Variants in GNE observed in about 807,000 individuals in gnomAD.
The protein encoded by GNE is bifunctional UDP-N-acetylglucosamine 2-epimerase/N-acetylmannosamine kinase.
A neutral mutation model predicts 61.8 loss-of-function variants in GNE; 41 were observed. The ratio of observed to expected loss-of-function variants is 0.66; its 90% CI spans 0.52 to 0.86. The LOEUF (loss-of-function observed/expected upper bound fraction) is 0.86, where lower values mean the gene tolerates loss of function less well. GNE is among the 40% of genes least tolerant of loss of function. GNE has a pLI of 0.00. For synonymous variants in GNE, 264 were observed against 326.4 expected (o/e 0.81, Z 2.06); for missense variants, 608 against 909.1 (o/e 0.67, Z 4.26).
chr9:36,226,244 C>G (rs1243431411), intron 7 of GNE, among the ~76,000 whole-genome samples: 1 of 152,146 alleles, frequency 6.6e-6, no homozygotes, highest in Non-Finnish European at 1.5e-5. Context: ...GCGATCTTGG[C>G]TCACTGTAAT....
chr9:36,221,907 G>A (rs1477993948), intron 9 of GNE, among the ~76,000 whole-genome samples: 2 of 152,152 alleles, frequency 1.3e-5, no homozygotes, highest in Non-Finnish European at 2.9e-5. Flanking sequence ...GCTTGGTGGT[G>A]ACCTTGAACA....
At chr9:36,246,503 A>G (rs887703781) in intron 2 of GNE, 21 bp from the exon 3 acceptor site, 1 of 1,569,774 alleles carries the variant, frequency 6.4e-7, no homozygotes, top group Admixed American at 1.7e-5. Context: ...GGAGAAATAA[A>G]GATATAAGAA....
At chr9:36,257,801 TCAAAAAAAAA>T (rs1416971570) in intron 1 of GNE, among the ~76,000 whole-genome samples, 42 of 5,374 alleles carry the variant, frequency 7.8e-3, no homozygotes, top group African/African-American at 0.029. Context: ...AGACTCAGTC[TCAAAAAAAAA>T]AAAAAAAAAA....
intron 6 of GNE, among the ~76,000 whole-genome samples, chr9:36,228,443 G>A (rs1338643063): frequency 6.6e-6 from 1 of 152,030 alleles, no homozygotes; most frequent in Non-Finnish European, 1.5e-5. Context: ...AATATTTATA[G>A]AAAGCCAAAG....
intron 1 of GNE, among the ~76,000 whole-genome samples, chr9:36,253,560 G>A (rs538892656): frequency 6.6e-6 from 1 of 151,740 alleles, no homozygotes; most frequent in Admixed American, 6.6e-5. Flanking sequence ...TTACAGGCAT[G>A]AGCCACCGCG....
rs965351198 is a variant in GNE at position 36,239,969 on chromosome 9, C to T, written c.617-2985G>A. On this transcript the variant is annotated intron_variant, in intron 3 of 11. Coordinates refer to ENST00000642385, the MANE Select transcript of GNE (RefSeq NM_005476.7). Reference sequence around the variant, plus strand: ...TTCTTGGTTTGATTCTCCGCTTGGTCGCTGTTGGTGTATAGAAGAGCTACT... The same window carrying T: ...TTCTTGGTTTGATTCTCCGCTTGGTTGCTGTTGGTGTATAGAAGAGCTACT... Among the ~76,000 whole-genome samples the T allele has an allele frequency of 3.3e-5, 5 of 151,740 alleles. No homozygotes were observed. The South Asian group carries it at 6.2e-4, about 19-fold the overall frequency.
At chr9:36,272,506 A>G (rs1306416087) in intron 1 of GNE, among the ~76,000 whole-genome samples, 1 of 151,268 alleles carries the variant, frequency 6.6e-6, no homozygotes, top group Non-Finnish European at 1.5e-5. Flanking sequence ...CTGTAGTCCC[A>G]GCTACTAGGG....
At position 36,246,675 on chromosome 9, in the gene GNE, T is replaced by G. The variant is rs545688752; in HGVS notation, c.165-193A>C. On this transcript the variant is annotated intron_variant, in intron 2 of 11. Transcript: ENST00000642385. ...GATTAAGATTCTTTTTTTTTTTTTT[T>G]TTTTTTTTTTTGAGATGAAGTCTTG... 4.1e-3 allele frequency among the ~76,000 whole-genome samples: 612 copies of G among 147,658 alleles called. 2 individuals are homozygous for G. The highest frequency in any genetic ancestry group is 5.8e-3 in the Non-Finnish European group (387 of 66,702).
rs777361471 is a variant in GNE at position 36,246,249 on chromosome 9, A to G, written c.398T>C (p.Ile133Thr). Reference sequence around the variant, plus strand: ...GGTCCCACTGACTTCCCCACCTTCAATGTGAAGGATTCGGATGTTCATCAA... The same window carrying G: ...GGTCCCACTGACTTCCCCACCTTCAGTGTGAAGGATTCGGATGTTCATCAA... The part of the protein sequence containing the change: ...AALMNIRILH[I>T]EGGEVSGTID... Residue 133 changes from isoleucine (I) to threonine (T), a missense_variant, in exon 3 of 12, where the codon ATT becomes ACT. Transcript: ENST00000642385. 4.3e-6 allele frequency: 7 copies of G among 1,613,724 alleles called. No homozygotes were observed. The highest frequency in any genetic ancestry group is 1.3e-5 in the African/African-American group (1 of 74,922).
upstream of GNE, chr9:36,258,649 G>C (rs1587367715): frequency 2.4e-6 from 1 of 415,960 alleles, no homozygotes; most frequent in Non-Finnish European, 3.2e-6. Flanking sequence ...GGCCTCTGCC[G>C]CGCTGGAGCT....
chr9:36,220,950 T>G (rs570078678), intron 9 of GNE, among the ~76,000 whole-genome samples: 35 of 152,348 alleles, frequency 2.3e-4, no homozygotes, highest in Admixed American at 1.5e-3. Flanking sequence ...GCTTAGTCAC[T>G]GCTCTGAGCC....
chr9:36,273,451 A>C (rs1405796849), intron 1 of GNE, among the ~76,000 whole-genome samples: 2 of 151,428 alleles, frequency 1.3e-5, no homozygotes, highest in Non-Finnish European at 2.9e-5. Context: ...TCCTGATCTC[A>C]GATGATCCAC....
intron 1 of GNE, among the ~76,000 whole-genome samples, chr9:36,253,619 T>C (rs1405138879): frequency 1.3e-5 from 2 of 152,054 alleles, no homozygotes; most frequent in African/African-American, 4.8e-5. Flanking sequence ...ATGACTCAAA[T>C]GGTAGAATGA....
rs1057516906 is a variant in GNE, at chr9:36,236,946, G to A, written c.655C>T (p.Gln219Ter). 6.2e-7 allele frequency: 1 copy of A among 1,611,194 alleles called. No homozygotes were observed. Among genetic ancestry groups the A allele is most frequent in the Non-Finnish European group, 8.5e-7 (1 of 1,177,322 alleles). Reference sequence around the variant, plus strand: ...TTAATGTCAGTGGTCACAGGGTGCTGTAGTGCAACAATGTAATCTTTAGAT... The same window carrying A: ...TTAATGTCAGTGGTCACAGGGTGCTATAGTGCAACAATGTAATCTTTAGAT... ...VKSKDYIVAL[Q>*]HPVTTDIKHS... The change falls in exon 4 of 12, where the codon CAG becomes TAG. Residue 219 changes from glutamine (Q) to a stop codon, truncating the protein, a stop_gained. Transcript: ENST00000642385. LOFTEE classifies it high-confidence loss of function.
Position 36,216,520 on chromosome 9 carries a change from A to C in GNE, c.*845T>G, listed in dbSNP as rs1032383812. ...CCGGCTAATTTTTGTATTTTAGTAG[A>C]GATGGGGTTTCACCATGTTGGCCAG... is the stretch of plus-strand genomic sequence containing the variant. On this transcript the variant is annotated 3_prime_UTR_variant, in exon 12 of 12. Coordinates refer to ENST00000642385, the MANE Select transcript of GNE (RefSeq NM_005476.7). The C allele has an allele frequency of 1.3e-5, 3 of 230,818 alleles. No homozygotes were observed. The highest frequency in any genetic ancestry group is 4.9e-5 in the Admixed American group (1 of 20,420). The allele number at this position is 230,818 out of a possible 1,614,324, so 14.3% of individuals were successfully genotyped here.
At chr9:36,264,178 G>A (rs534946925) in intron 1 of GNE, among the ~76,000 whole-genome samples, 1 of 151,984 alleles carries the variant, frequency 6.6e-6, no homozygotes, top group Non-Finnish European at 1.5e-5. Flanking sequence ...TGTCACCCAG[G>A]CTTGAGTGCA....
chr9:36,245,990 C>A (rs1397222963), intron 3 of GNE, 41 bp downstream of exon 3: 1 of 1,463,216 alleles, frequency 6.8e-7, no homozygotes. Context: ...CATTTTCTGA[C>A]AAAAACAGCC....
chr9:36,268,620 A>G (rs765491355), intron 1 of GNE, among the ~76,000 whole-genome samples: 14 of 152,026 alleles, frequency 9.2e-5, no homozygotes, highest in Non-Finnish European at 2.1e-4. Context: ...GTGAGCCATG[A>G]TCATGCCACT....
chr9:36,218,330 T>C lies in GNE; in HGVS notation c.1817-31A>G, dbSNP rs780853274. On this transcript the variant is annotated intron_variant, in intron 10 of 11. Transcript: ENST00000642385. The surrounding 1 kb of genome is among the most constrained non-coding windows in gnomAD (Gnocchi z 4.1). ...CAGAGTGAGAAGGAAAAGCAGTCAC[T>C]AATGAGCTGTGGGGAGGCCAAGCTC... is the stretch of plus-strand genomic sequence containing the variant. The C allele has an allele frequency of 7.9e-6, 12 of 1,524,508 alleles. No homozygotes were observed. In the Admixed American group the frequency reaches 2.0e-4, roughly 25 times the overall value. 94.4% of individuals were successfully genotyped at this position (1,524,508 alleles called of 1,614,324 possible).
Sources: allele counts gnomAD v4.1 joint callset (sites outside exome capture counted in the v4.1 genomes callset), GRCh38; gene constraint gnomAD v4.1.1; non-coding constraint Gnocchi (gnomAD v3.1); transcripts MANE v1.5; gene names NCBI Gene and HGNC (gene_info 2026-07-23, HGNC 2026-07-21).